Variants in TGFBRAP1 observed in about 807,000 individuals in gnomAD.
TGFBRAP1 encodes the protein transforming growth factor-beta receptor-associated protein 1.
In TGFBRAP1, 20 loss-of-function variants were observed where a neutral mutation model predicts 83.2. The ratio of observed to expected loss-of-function variants is 0.24; its 90% CI spans 0.17 to 0.35. The LOEUF (loss-of-function observed/expected upper bound fraction) is 0.35, where lower values mean the gene tolerates loss of function less well. Among genes scored for constraint, TGFBRAP1 ranks in the 10% least tolerant of loss-of-function variants. The pLI is 1.00. For missense variants in TGFBRAP1, 950 were observed against 1,099.4 expected (o/e 0.86, Z 1.92); for synonymous variants, 415 against 459.8 (o/e 0.90, Z 1.25).
chr2:105,288,108 G>A (rs1193991443), intron 4 of TGFBRAP1, among the ~76,000 whole-genome samples: 1 of 152,192 alleles, frequency 6.6e-6, no homozygotes, highest in Non-Finnish European at 1.5e-5. Flanking sequence ...TAAAAACTGG[G>A]TAGGTCAAAT....
At chr2:105,316,456 TGTGTGTGCGCGCGCGC>T (rs780581696) in intron 1 of TGFBRAP1, among the ~76,000 whole-genome samples, 5 of 71,702 alleles carry the variant, frequency 7.0e-5, no homozygotes, top group Admixed American at 3.1e-4. Flanking sequence ...TGTGTGTGTG[TGTGTGTGCGCGCGCGC>T]GCGCGCGCAC....
At chr2:105,255,019 T>C in the TGFBRAP1 span, among the ~76,000 whole-genome samples, 1 of 152,158 alleles carries the variant, frequency 6.6e-6, no homozygotes, top group African/African-American at 2.4e-5. Context: ...CTGCAGTCTG[T>C]GGTATTTTGT....
chr2:105,319,658 C>T (rs1437729959), intron 1 of TGFBRAP1, among the ~76,000 whole-genome samples: 2 of 143,278 alleles, frequency 1.4e-5, no homozygotes, highest in African/African-American at 5.2e-5. Flanking sequence ...TGCCACTGCA[C>T]TCCAGCCTGG....
At position 105,270,332 on chromosome 2, in the gene TGFBRAP1, C is replaced by T. The variant is rs1573156212; in HGVS notation, c.1973-627G>A. Among the ~76,000 whole-genome samples the T allele has an allele frequency of 2.0e-5, 3 of 152,188 alleles. No homozygotes were observed. In the East Asian group the frequency reaches 5.8e-4, roughly 29 times the overall value. On this transcript the variant is annotated intron_variant, in intron 10 of 11. Coordinates refer to ENST00000393359, the MANE Select transcript of TGFBRAP1 (RefSeq NM_004257.6). ...AAATGACATAACCCAAAGCGTCATT[C>T]CTGACCAAGGCCCCACCCTTAGTGG... is the stretch of plus-strand genomic sequence containing the variant.
chr2:105,315,789 G>A (rs1175363134), intron 1 of TGFBRAP1, among the ~76,000 whole-genome samples: 1 of 152,150 alleles, frequency 6.6e-6, no homozygotes, highest in African/African-American at 2.4e-5. Context: ...GATCTGTTCA[G>A]CAGTTTTTTA....
At chr2:105,294,409 G>A (rs796471036) in intron 4 of TGFBRAP1, among the ~76,000 whole-genome samples, 5 of 152,086 alleles carry the variant, frequency 3.3e-5, no homozygotes, top group African/African-American at 7.2e-5. Context: ...CCTGGGCAAC[G>A]AGATGCCCCC....
chr2:105,277,024 G>C (rs1677374299), intron 7 of TGFBRAP1, among the ~76,000 whole-genome samples: 1 of 152,170 alleles, frequency 6.6e-6, no homozygotes, highest in Admixed American at 6.5e-5. Flanking sequence ...TGTGAGATGA[G>C]GCTTTTCTCA....
At chr2:105,287,224 T>C (rs1677749965) in intron 4 of TGFBRAP1, among the ~76,000 whole-genome samples, 1 of 152,040 alleles carries the variant, frequency 6.6e-6, no homozygotes, top group African/African-American at 2.4e-5. Context: ...GGGGAGTTAG[T>C]GTTCGGTAGC....
intron 2 of TGFBRAP1, among the ~76,000 whole-genome samples, chr2:105,306,253 G>A (rs1356384062): frequency 1.3e-5 from 2 of 151,116 alleles, no homozygotes; most frequent in African/African-American, 4.9e-5. Context: ...GTAGAGACAG[G>A]GTTTCTCCAT....
In TGFBRAP1 at chr2:105,273,633, T is replaced by C; in HGVS notation, c.1723A>G (p.Asn575Asp). Residue 575 changes from asparagine to aspartate, a missense_variant, in exon 9 of 12, where the codon AAT becomes GAT. Asn to Asp is a conservative substitution (Grantham distance 23, BLOSUM62 1). Coordinates refer to ENST00000393359, the MANE Select transcript of TGFBRAP1 (RefSeq NM_004257.6). ...AGGCAATTGATAATGTCGTCTGGATTAAAACTGTTCTTCTGCTGTTCATCC... is the reference window on the plus strand; with the variant it reads ...AGGCAATTGATAATGTCGTCTGGATCAAAACTGTTCTTCTGCTGTTCATCC... ...PLDEQQKNSF[N>D]PDDIINCLKK... 1 of 1,614,240 alleles carries C rather than the reference T, an allele frequency of 6.2e-7. No individual in the cohort carries two copies. The highest frequency in any genetic ancestry group is 1.1e-5 in the South Asian group (1 of 91,086).
chr2:105,284,372 C>T lies in TGFBRAP1; in HGVS notation c.1065G>A (p.Gln355=), dbSNP rs1677643908. Residue 355 remains glutamine, a synonymous_variant, in exon 5 of 12, where the codon CAG becomes CAA. Coordinates refer to ENST00000393359, the MANE Select transcript of TGFBRAP1 (RefSeq NM_004257.6). ...FQVMYRRILQ[Q]AGFIQFAQLQ... ...GTTGTGCAAACTGTATAAATCCCGCCTGCTGCAGAATCCTTCTGTACATTA... is the reference window on the plus strand; with the variant it reads ...GTTGTGCAAACTGTATAAATCCCGCTTGCTGCAGAATCCTTCTGTACATTA... 5.0e-6 allele frequency: 8 copies of T among 1,614,102 alleles called. No individual in the cohort carries two copies. The highest frequency in any genetic ancestry group is 6.8e-6 in the Non-Finnish European group (8 of 1,179,976).
intron 4 of TGFBRAP1, among the ~76,000 whole-genome samples, chr2:105,287,457 C>T (rs953887968): frequency 2.1e-4 from 32 of 152,100 alleles, no homozygotes; most frequent in Admixed American, 6.5e-5. Context: ...CTTCTCATGT[C>T]TGTGGTGATC....
chr2:105,295,809 CAAAAAAAA>C (rs368369527), intron 4 of TGFBRAP1, among the ~76,000 whole-genome samples: 2 of 75,016 alleles, frequency 2.7e-5, no homozygotes, highest in African/African-American at 1.1e-4. Flanking sequence ...GACTCCATCT[CAAAAAAAA>C]AAAAAAAAAA....
intron 1 of TGFBRAP1, among the ~76,000 whole-genome samples, chr2:105,308,763 TA>T (rs5833131): frequency 0.23 from 33,211 of 147,160 alleles, 4,699 homozygotes; most frequent in East Asian, 0.55. Flanking sequence ...AGACCCCATT[TA>T]AAAAAAAAAA....
In TGFBRAP1 at chr2:105,293,000, T is replaced by TA. The variant is rs1323371120; in HGVS notation, c.1038+3355dup. On this transcript the variant is annotated intron_variant, in intron 4 of 11. Transcript: ENST00000393359. Reference sequence around the variant, plus strand: ...GCTAGCGAGATTTTTCCCTAAGGATTAAAAAAAAAAAGCAAAAACATTCAC... The same window carrying TA: ...GCTAGCGAGATTTTTCCCTAAGGATTAAAAAAAAAAAAGCAAAAACATTCAC... Among the ~76,000 whole-genome samples, 38 of 143,926 alleles carry TA rather than the reference T, an allele frequency of 2.6e-4. 1 individual carries two copies. Among genetic ancestry groups the TA allele is most frequent in the East Asian group, 1.8e-3 (9 of 5,000 alleles). 94.4% of individuals were successfully genotyped at this position (143,926 alleles called of 152,430 possible). A position where few individuals can be genotyped will look rare whatever the true frequency, so the allele number is the denominator to read the frequency against.
At chr2:105,287,726 G>A (rs1455421825) in intron 4 of TGFBRAP1, among the ~76,000 whole-genome samples, 1 of 152,104 alleles carries the variant, frequency 6.6e-6, no homozygotes, top group South Asian at 2.1e-4. Context: ...TTCAGGCTGA[G>A]TCTGTAATTA....
the TGFBRAP1 span, among the ~76,000 whole-genome samples, chr2:105,258,205 C>A: frequency 2.0e-5 from 3 of 152,176 alleles, no homozygotes; most frequent in Non-Finnish European, 4.4e-5. Flanking sequence ...AGCTCATCAG[C>A]CCCAGATGCT....
rs1266178095 is a variant in TGFBRAP1 at position 105,308,321 on chromosome 2, G to A, written c.-17-3C>T. 1 of 1,582,900 alleles carries A rather than the reference G, an allele frequency of 6.3e-7. No homozygotes were observed. The highest frequency in any genetic ancestry group is 8.6e-7 in the Non-Finnish European group (1 of 1,159,402). On this transcript the variant is annotated splice_region_variant and splice_polypyrimidine_tract_variant and intron_variant, in intron 1 of 11. Transcript: ENST00000393359. ...CATCATGTCTACTGGCTGATCTGCT[G>A]GAAGAGAAAGAGGAAAACTAATTTT...
At chr2:105,302,588 G>T (rs1320317764) in intron 2 of TGFBRAP1, among the ~76,000 whole-genome samples, 1 of 152,028 alleles carries the variant, frequency 6.6e-6, no homozygotes, top group Non-Finnish European at 1.5e-5. Context: ...AGCCAAGGAG[G>T]AGATACAAAT....
Sources: gnomAD v4.1 joint callset for allele counts (sites outside exome capture counted in the v4.1 genomes callset) on GRCh38, gnomAD v4.1.1 for gene constraint, MANE v1.5 for transcripts, NCBI Gene and HGNC (gene_info 2026-07-23, HGNC 2026-07-21) for gene names.